SNTG1: variants seen among roughly 807,000 people sequenced by gnomAD.
SNTG1 encodes the protein gamma-1-syntrophin.
A neutral mutation model predicts 74.7 loss-of-function variants in SNTG1; 39 were observed. The ratio of observed to expected loss-of-function variants is 0.52; its 90% CI spans 0.40 to 0.68. The LOEUF is 0.68. Among genes scored for constraint, SNTG1 ranks in the 30% least tolerant of loss-of-function variants. SNTG1 has a pLI of 0.00. For synonymous variants in SNTG1, 254 were observed against 217.1 expected (o/e 1.17, Z -1.49); for missense variants, 685 against 609.5 (o/e 1.12, Z -1.30).
At chr8:50,063,956 G>A (rs1359301448) in intron 1 of SNTG1, among the ~76,000 whole-genome samples, 1 of 152,172 alleles carries the variant, frequency 6.6e-6, no homozygotes, top group Non-Finnish European at 1.5e-5. Context: ...ACTCTAGCCA[G>A]ACTACTTGAG....
At chr8:50,652,724 G>A (rs1467106753) in intron 13 of SNTG1, among the ~76,000 whole-genome samples, 1 of 152,122 alleles carries the variant, frequency 6.6e-6, no homozygotes, top group Non-Finnish European at 1.5e-5. Context: ...TTGAACCCAG[G>A]AGGTGGAGGT....
intron 2 of SNTG1, among the ~76,000 whole-genome samples, chr8:50,173,974 G>T (rs571635620): frequency 6.6e-6 from 1 of 152,200 alleles, no homozygotes; most frequent in Non-Finnish European, 1.5e-5. Context: ...TTGTCCTAAT[G>T]CTCTCCGTCC....
At chr8:50,697,333 T>C (rs1473349229) in intron 15 of SNTG1, among the ~76,000 whole-genome samples, 1 of 152,138 alleles carries the variant, frequency 6.6e-6, no homozygotes, top group African/African-American at 2.4e-5. Context: ...TTTGGTGTAG[T>C]CTTCAGATTT....
chr8:50,070,924 C>T (rs1410113859), intron 1 of SNTG1, among the ~76,000 whole-genome samples: 1 of 152,182 alleles, frequency 6.6e-6, no homozygotes, highest in African/African-American at 2.4e-5. Flanking sequence ...TCTCCTTCTT[C>T]ATGGAGGGTC....
At chr8:50,299,248 G>A (rs76387315) in intron 2 of SNTG1, among the ~76,000 whole-genome samples, 10,540 of 152,142 alleles carry the variant, frequency 0.069, 407 homozygotes, top group African/African-American at 0.085. Context: ...GGAATGCAGT[G>A]ATGTGATCAT....
At chr8:50,365,069 A>G (rs2092070781) in intron 2 of SNTG1, among the ~76,000 whole-genome samples, 1 of 152,116 alleles carries the variant, frequency 6.6e-6, no homozygotes, top group Admixed American at 6.6e-5. Context: ...TACATATACT[A>G]CAAATCTACT....
At chr8:50,505,705 T>A (rs2129783019) in intron 9 of SNTG1, among the ~76,000 whole-genome samples, 1 of 152,282 alleles carries the variant, frequency 6.6e-6, no homozygotes, top group Middle Eastern at 3.4e-3. Context: ...TCTGGTTATT[T>A]GTTTTGCTGT....
Position 50,482,590 on chromosome 8 carries a change from C to A in SNTG1, c.364-20188C>A, listed in dbSNP as rs145174784. ...TCAATCTTAGGTCTGAAGTAAATAG[C>A]CTACAGATTATAAAAATCAGCAATC... On this transcript the variant is annotated intron_variant, in intron 8 of 18. Coordinates refer to ENST00000642720, the MANE Select transcript of SNTG1 (RefSeq NM_018967.5). Among the ~76,000 whole-genome samples, 277 of 152,220 alleles carry A rather than the reference C, an allele frequency of 1.8e-3. 4 individuals are homozygous for A. The highest frequency in any genetic ancestry group is 6.3e-3 in the African/African-American group (262 of 41,514).
rs377245373 is a variant in SNTG1, at chr8:50,628,828, T to C, written c.850-28081T>C. 2.6e-5 allele frequency among the ~76,000 whole-genome samples: 4 copies of C among 152,336 alleles called. No homozygotes were observed. The East Asian group carries it at 5.8e-4, about 22-fold the overall frequency. ...ATGAACAAATATTGAGGTATCTTTG[T>C]TGTGTTTTCACAAATTCAGGTGCTT... is the stretch of plus-strand genomic sequence containing the variant. On this transcript the variant is annotated intron_variant, in intron 13 of 18. Transcript: ENST00000642720.
rs562353561 is a variant in SNTG1, at chr8:49,999,035, C to T, written c.-103+86804C>T. On this transcript the variant is annotated intron_variant, in intron 1 of 18. Coordinates refer to ENST00000642720, the MANE Select transcript of SNTG1 (RefSeq NM_018967.5). ...CTGTGATGGCTACCATGTCACCAGG[C>T]GAATGGAAGTGTTCAACTCCTTTAT... Among the ~76,000 whole-genome samples, 67 of 152,110 alleles carry T rather than the reference C, an allele frequency of 4.4e-4. 2 individuals carry two copies. In the South Asian group the frequency reaches 0.011, roughly 24 times the overall value.
In SNTG1 at chr8:50,507,248, AC is replaced by A. The variant is rs371115953; in HGVS notation, c.466+4370del. ...TCAGTTTTTTAGTATCTTTTTGAGG[AC>A]CTTTGCATTAATATTCATCAGGAAT... is the stretch of plus-strand genomic sequence containing the variant. On this transcript the variant is annotated intron_variant, in intron 9 of 18. Transcript: ENST00000642720. Among the ~76,000 whole-genome samples, 339 of 151,792 alleles carry A rather than the reference AC, an allele frequency of 2.2e-3. 1 individual carries two copies. The highest frequency in any genetic ancestry group is 4.1e-3 in the Non-Finnish European group (277 of 67,892).
chr8:50,699,325 T>C (rs535097823), intron 15 of SNTG1, among the ~76,000 whole-genome samples: 2 of 152,252 alleles, frequency 1.3e-5, no homozygotes, highest in South Asian at 4.1e-4. Flanking sequence ...AATTACAGCT[T>C]TTTGGGAATG....
chr8:50,213,219 C>A (rs1196217660), intron 2 of SNTG1, among the ~76,000 whole-genome samples: 3 of 152,042 alleles, frequency 2.0e-5, no homozygotes, highest in Non-Finnish European at 4.4e-5. Flanking sequence ...GTGGAGGTGG[C>A]AAAATCTTAA....
At position 50,124,816 on chromosome 8, in the gene SNTG1, C is replaced by T. The variant is rs145133241; in HGVS notation, c.-102-47745C>T. Reference sequence around the variant, plus strand: ...GTAATTGAAGCTTGTTGCTAAAATTCGAGTGTTAAGCAAAAGACAGTATGA... The same window carrying T: ...GTAATTGAAGCTTGTTGCTAAAATTTGAGTGTTAAGCAAAAGACAGTATGA... On this transcript the variant is annotated intron_variant, in intron 1 of 18. Transcript: ENST00000642720. Among the ~76,000 whole-genome samples, 90 of 140,904 alleles carry T rather than the reference C, an allele frequency of 6.4e-4. 17 individuals carry two copies. The highest frequency in any genetic ancestry group is 3.7e-3 in the East Asian group (18 of 4,894). 92.4% of individuals were successfully genotyped at this position (140,904 alleles called of 152,430 possible).
At chr8:50,023,985 G>A (rs552021291) in intron 1 of SNTG1, among the ~76,000 whole-genome samples, 1 of 152,206 alleles carries the variant, frequency 6.6e-6, no homozygotes, top group Admixed American at 6.5e-5. Context: ...CACATGGAGA[G>A]TTCACTAAAA....
intron 4 of SNTG1, among the ~76,000 whole-genome samples, chr8:50,438,142 G>A (rs1038254161): frequency 1.3e-5 from 2 of 152,062 alleles, no homozygotes; most frequent in African/African-American, 4.8e-5. Flanking sequence ...ACAGGGCCAT[G>A]GTTTACCAGG....
chr8:50,070,091 T>C (rs1370458240), intron 1 of SNTG1, among the ~76,000 whole-genome samples: 1 of 152,188 alleles, frequency 6.6e-6, no homozygotes, highest in Non-Finnish European at 1.5e-5. Context: ...TGGATGCATG[T>C]GATACTAAAA....
chr8:50,692,955 G>A (rs918359883), intron 15 of SNTG1, among the ~76,000 whole-genome samples: 3 of 152,206 alleles, frequency 2.0e-5, no homozygotes, highest in African/African-American at 7.2e-5. Context: ...CGGCAATGGT[G>A]GTGCCCCTCC....
intron 12 of SNTG1, among the ~76,000 whole-genome samples, chr8:50,574,327 T>C (rs2094565165): frequency 6.6e-6 from 1 of 152,146 alleles, no homozygotes; most frequent in Non-Finnish European, 1.5e-5. Flanking sequence ...AGTACATCTA[T>C]ATTTACCTGA....
Sources: gnomAD v4.1 joint callset for allele counts (sites outside exome capture counted in the v4.1 genomes callset) on GRCh38, gnomAD v4.1.1 for gene constraint, MANE v1.5 for transcripts, NCBI Gene and HGNC (gene_info 2026-07-23, HGNC 2026-07-21) for gene names.